Variants in DPYD observed in about 807,000 individuals in gnomAD.
The protein encoded by DPYD is dihydropyrimidine dehydrogenase [NADP(+)].
Under a neutral mutation model 116.2 loss-of-function variants are expected in DPYD, and 109 were observed. That is an observed-to-expected ratio of 0.94 (90% CI 0.80 to 1.10). The LOEUF is 1.10. Among genes scored for constraint, DPYD ranks in the 50% least tolerant of loss-of-function variants. The pLI is 0.00. For synonymous variants in DPYD, 440 were observed against 432.0 expected (o/e 1.02, Z -0.23); for missense variants, 1,302 against 1,254.5 (o/e 1.04, Z -0.57).
At chr1:97,652,601 G>A (rs899372891) in intron 8 of DPYD, among the ~76,000 whole-genome samples, 1 of 152,100 alleles carries the variant, frequency 6.6e-6, no homozygotes, top group Non-Finnish European at 1.5e-5. Context: ...TAAAAGCAAA[G>A]CATATTATCA....
chr1:97,723,824 A>T (rs915535151), intron 4 of DPYD, among the ~76,000 whole-genome samples: 3 of 151,662 alleles, frequency 2.0e-5, no homozygotes. Context: ...GATTATATTT[A>T]CCTCATTAAC....
chr1:97,286,837 A>G (rs1404590074), intron 18 of DPYD, among the ~76,000 whole-genome samples: 1 of 152,082 alleles, frequency 6.6e-6, no homozygotes, highest in Non-Finnish European at 1.5e-5. Flanking sequence ...TATTTTCAAA[A>G]TTTTCAACTT....
chr1:97,723,462 CAT>C (rs1238487890), intron 4 of DPYD, among the ~76,000 whole-genome samples: 1 of 151,368 alleles, frequency 6.6e-6, no homozygotes. Context: ...CACACACACA[CAT>C]GCATACACAC....
chr1:97,333,284 C>T (rs1238438603), intron 16 of DPYD, among the ~76,000 whole-genome samples: 2 of 151,636 alleles, frequency 1.3e-5, no homozygotes, highest in Admixed American at 1.3e-4. Flanking sequence ...GAGTAATACA[C>T]CCTTCTTGCC....
intron 18 of DPYD, among the ~76,000 whole-genome samples, 175 bp downstream of exon 18, chr1:97,305,084 T>C (rs1029377482): frequency 6.6e-6 from 1 of 151,940 alleles, no homozygotes; most frequent in African/African-American, 2.4e-5. Flanking sequence ...TCTCATCCTG[T>C]GCTGTCACTT....
intron 14 of DPYD, among the ~76,000 whole-genome samples, chr1:97,407,483 T>C (rs1673731093): frequency 6.6e-6 from 1 of 152,188 alleles, no homozygotes; most frequent in Non-Finnish European, 1.5e-5. Flanking sequence ...GGCAAACTCC[T>C]AGAGGACATG....
intron 14 of DPYD, among the ~76,000 whole-genome samples, chr1:97,388,878 G>C (rs1292202060): frequency 1.3e-5 from 2 of 152,038 alleles, no homozygotes; most frequent in Non-Finnish European, 2.9e-5. Flanking sequence ...AAGGGAAGAG[G>C]GGATGATGAA....
At chr1:97,463,055 C>T (rs1482709628) in intron 13 of DPYD, among the ~76,000 whole-genome samples, 1 of 152,168 alleles carries the variant, frequency 6.6e-6, no homozygotes, top group Admixed American at 6.5e-5. Context: ...TGGAACCCTC[C>T]CCTGCTTCAA....
intron 19 of DPYD, among the ~76,000 whole-genome samples, chr1:97,210,656 A>G (rs1483744829): frequency 1.3e-5 from 2 of 152,150 alleles, no homozygotes; most frequent in Non-Finnish European, 2.9e-5. Context: ...TGGCTTGTAC[A>G]TGCATTTTCA....
chr1:97,841,900 G>C (rs1052809698), intron 2 of DPYD, among the ~76,000 whole-genome samples: 2 of 151,796 alleles, frequency 1.3e-5, no homozygotes, highest in Non-Finnish European at 2.9e-5. Flanking sequence ...ATTCACTACT[G>C]TATCTGAAGG....
chr1:97,172,051 T>C (rs913294333), intron 20 of DPYD, among the ~76,000 whole-genome samples: 3 of 152,182 alleles, frequency 2.0e-5, no homozygotes, highest in African/African-American at 7.2e-5. Flanking sequence ...GCAAAAAGAA[T>C]TTTTGTGTTT....
At chr1:97,537,766 G>A (rs1362264853) in intron 12 of DPYD, among the ~76,000 whole-genome samples, 2 of 152,186 alleles carry the variant, frequency 1.3e-5, no homozygotes, top group East Asian at 3.8e-4. Flanking sequence ...TTAATGTCAT[G>A]ATTAAAAAGG....
At chr1:97,342,963 T>C (rs560295246) in intron 16 of DPYD, among the ~76,000 whole-genome samples, 1 of 151,764 alleles carries the variant, frequency 6.6e-6, no homozygotes, top group African/African-American at 2.4e-5. Context: ...GTCAGTTACA[T>C]CTCCTGTATT....
chr1:97,086,380 T>A (rs181056062), intron 21 of DPYD, among the ~76,000 whole-genome samples: 1 of 150,180 alleles, frequency 6.7e-6, no homozygotes, highest in East Asian at 2.0e-4. Flanking sequence ...AATAGACCAG[T>A]CAATGTTTCT....
intron 3 of DPYD, among the ~76,000 whole-genome samples, chr1:97,776,539 T>C (rs1376820146): frequency 6.6e-6 from 1 of 152,162 alleles, no homozygotes; most frequent in Non-Finnish European, 1.5e-5. Flanking sequence ...GGTCTTATGA[T>C]TGGATTATTT....
At chr1:97,189,659 A>C (rs1164388448) in intron 20 of DPYD, among the ~76,000 whole-genome samples, 1 of 152,212 alleles carries the variant, frequency 6.6e-6, no homozygotes, top group African/African-American at 2.4e-5. Flanking sequence ...TTCTGGATGA[A>C]GTTATATTTG....
At chr1:97,391,807 T>C (rs1211239844) in intron 14 of DPYD, among the ~76,000 whole-genome samples, 2 of 152,068 alleles carry the variant, frequency 1.3e-5, no homozygotes, top group Admixed American at 1.3e-4. Flanking sequence ...TAATAGGCTA[T>C]ACAAGACCAT....
At chr1:97,805,564 T>C (rs548265614) in intron 3 of DPYD, among the ~76,000 whole-genome samples, 1 of 151,960 alleles carries the variant, frequency 6.6e-6, no homozygotes, top group Admixed American at 6.6e-5. Context: ...GAAAGGAATT[T>C]CACCTTCTAG....
intron 12 of DPYD, among the ~76,000 whole-genome samples, chr1:97,539,068 T>A (rs1187111592): frequency 6.6e-6 from 1 of 152,180 alleles, no homozygotes; most frequent in Non-Finnish European, 1.5e-5. Flanking sequence ...ATATATACAG[T>A]AGTAGAAATA....
Sources: gnomAD v4.1 joint callset for allele counts (sites outside exome capture counted in the v4.1 genomes callset) on GRCh38, gnomAD v4.1.1 for gene constraint, MANE v1.5 for transcripts, NCBI Gene and HGNC (gene_info 2026-07-23, HGNC 2026-07-21) for gene names.